Variants in SDK1 observed in about 807,000 individuals in gnomAD.
The protein encoded by SDK1 is sidekick cell adhesion molecule 1.
SDK1 carries 157 observed loss-of-function variants against 245.5 expected under a neutral mutation model. The ratio of observed to expected loss-of-function variants is 0.64; its 90% CI spans 0.56 to 0.73. The LOEUF is 0.73. Among genes scored for constraint, SDK1 ranks in the 30% least tolerant of loss-of-function variants. The probability of loss-of-function intolerance (pLI) is 0.00; values close to 1 mark genes in which losing one functional copy is unlikely to be tolerated. For synonymous variants in SDK1, 1,647 were observed against 1,278.5 expected (o/e 1.29, Z -6.15); for missense variants, 3,583 against 3,002.3 (o/e 1.19, Z -4.52).
At chr7:3,638,211 T>A (rs1054409289) in intron 2 of SDK1, among the ~76,000 whole-genome samples, 1 of 152,174 alleles carries the variant, frequency 6.6e-6, no homozygotes, top group African/African-American at 2.4e-5. Context: ...AAAGCCCAGT[T>A]GGGGAGACAG....
intron 5 of SDK1, among the ~76,000 whole-genome samples, chr7:3,869,264 T>C (rs1375766418): frequency 6.6e-6 from 1 of 150,738 alleles, no homozygotes; most frequent in Non-Finnish European, 1.5e-5. Flanking sequence ...CAAGCGATTC[T>C]CCTGCCTCAG....
Position 3,975,161 on chromosome 7 carries a change from C to T in SDK1, c.1994+616C>T, listed in dbSNP as rs189019474. On this transcript the variant is annotated intron_variant, in intron 13 of 44. Coordinates refer to ENST00000404826, the MANE Select transcript of SDK1 (RefSeq NM_152744.4). ...TCTCTTTCTCCCTCCACTCCCCTCT[C>T]TATTCATGGAGCAGGAAACCAAAAT... Among the ~76,000 whole-genome samples, 28 of 152,356 alleles carry T rather than the reference C, an allele frequency of 1.8e-4. No homozygotes were observed. In the East Asian group the frequency reaches 4.6e-3, roughly 25 times the overall value.
rs560793373 is a variant in SDK1, at chr7:4,101,445, C to A, written c.3325-9218C>A. Among the ~76,000 whole-genome samples, 5 of 152,160 alleles carry A rather than the reference C, an allele frequency of 3.3e-5. 1 individual carries two copies. The South Asian group carries it at 8.3e-4, about 25-fold the overall frequency. ...TACAGGCGTGAGCCACCGCACCCGG[C>A]GGAAAAATTTGCATTTTTTAAAACT... On this transcript the variant is annotated intron_variant, in intron 22 of 44. Coordinates refer to ENST00000404826, the MANE Select transcript of SDK1 (RefSeq NM_152744.4).
At chr7:3,609,693 C>T (rs1237761956) in intron 1 of SDK1, among the ~76,000 whole-genome samples, 1 of 150,900 alleles carries the variant, frequency 6.6e-6, no homozygotes, top group South Asian at 2.1e-4. Context: ...AGCTACGGTG[C>T]CCAGCCTCCC....
At chr7:3,313,571 T>G (rs1258735080) in intron 1 of SDK1, among the ~76,000 whole-genome samples, 1 of 152,140 alleles carries the variant, frequency 6.6e-6, no homozygotes, top group Non-Finnish European at 1.5e-5. Context: ...CCCCTTAAAT[T>G]TATATGTAAT....
Position 4,234,907 on chromosome 7 carries a change from C to T in SDK1, c.5992+1488C>T, listed in dbSNP as rs1012482892. On this transcript the variant is annotated intron_variant, in intron 41 of 44. Transcript: ENST00000404826. ...CCTCAGCCAGAAGCCCCAGGTAGGG[C>T]CAGCTCTGTTGGTCCTCTTCCTGGG... 2.0e-5 allele frequency among the ~76,000 whole-genome samples: 3 copies of T among 152,196 alleles called. No homozygotes were observed. The South Asian group carries it at 6.2e-4, about 32-fold the overall frequency.
At chr7:3,921,935 C>T (rs990206777) in intron 5 of SDK1, among the ~76,000 whole-genome samples, 1 of 152,102 alleles carries the variant, frequency 6.6e-6, no homozygotes, top group Non-Finnish European at 1.5e-5. Flanking sequence ...CAGTGCACTC[C>T]AGCCTGGGCA....
At chr7:3,747,322 A>G (rs1221835266) in intron 4 of SDK1, among the ~76,000 whole-genome samples, 1 of 152,148 alleles carries the variant, frequency 6.6e-6, no homozygotes, top group Non-Finnish European at 1.5e-5. Context: ...TGACATAACA[A>G]CCACTGTCTG....
At chr7:4,015,962 T>A (rs1256559984) in intron 16 of SDK1, among the ~76,000 whole-genome samples, 1 of 152,248 alleles carries the variant, frequency 6.6e-6, no homozygotes. Flanking sequence ...ATTTCTCGAT[T>A]TCCTCACTTC....
intron 1 of SDK1, among the ~76,000 whole-genome samples, chr7:3,442,399 G>A (rs1029861362): frequency 6.6e-6 from 1 of 152,154 alleles, no homozygotes; most frequent in Admixed American, 6.5e-5. Context: ...GACCACAAAT[G>A]GAATGGTAAC....
intron 22 of SDK1, among the ~76,000 whole-genome samples, chr7:4,102,084 G>T (rs1360345528): frequency 3.9e-5 from 6 of 152,182 alleles, no homozygotes; most frequent in Non-Finnish European, 7.3e-5. Context: ...TCTAGAGCTG[G>T]GCTGATTCAA....
At chr7:3,309,634 T>C (rs1401572605) in intron 1 of SDK1, among the ~76,000 whole-genome samples, 2 of 144,476 alleles carry the variant, frequency 1.4e-5, no homozygotes, top group East Asian at 1.9e-4. Context: ...TTACTTCTGA[T>C]TTTTTTTATT....
chr7:3,891,931 T>C (rs1781469871), intron 5 of SDK1, among the ~76,000 whole-genome samples: 1 of 152,190 alleles, frequency 6.6e-6, no homozygotes, highest in South Asian at 2.1e-4. Context: ...TTTTTCCTTA[T>C]AGCACGGTGT....
At chr7:3,498,731 CTT>C (rs574383263) in intron 1 of SDK1, among the ~76,000 whole-genome samples, 1 of 144,244 alleles carries the variant, frequency 6.9e-6, no homozygotes, top group African/African-American at 2.5e-5. Context: ...TAGGCCTCAT[CTT>C]TTTTTTTTTT....
intron 4 of SDK1, among the ~76,000 whole-genome samples, chr7:3,787,003 T>G (rs1201633747): frequency 6.6e-6 from 1 of 152,140 alleles, no homozygotes; most frequent in Admixed American, 6.5e-5. Context: ...ACAAGCAGAA[T>G]TGATAGACAT....
At chr7:3,889,798 G>A (rs563422192) in intron 5 of SDK1, among the ~76,000 whole-genome samples, 3 of 152,154 alleles carry the variant, frequency 2.0e-5, no homozygotes, top group East Asian at 3.9e-4. Flanking sequence ...ATGAGCCATC[G>A]TGCCTGGCCT....
intron 1 of SDK1, among the ~76,000 whole-genome samples, chr7:3,607,134 C>G (rs1006250571): frequency 1.3e-4 from 19 of 151,816 alleles, no homozygotes; most frequent in African/African-American, 4.6e-4. Flanking sequence ...ACTACCTGCA[C>G]TACACAAAGG....
intron 5 of SDK1, among the ~76,000 whole-genome samples, chr7:3,934,486 C>T (rs958678716): frequency 2.6e-5 from 4 of 152,238 alleles, no homozygotes; most frequent in African/African-American, 9.6e-5. Flanking sequence ...CAGAGCTTTC[C>T]TGCCTTTCTG....
intron 22 of SDK1, among the ~76,000 whole-genome samples, chr7:4,096,425 G>T (rs1338932853): frequency 6.6e-6 from 1 of 152,124 alleles, no homozygotes. Flanking sequence ...GTGGGGGATG[G>T]TCACTGAGAG....
Sources: gnomAD v4.1 joint callset for allele counts (sites outside exome capture counted in the v4.1 genomes callset) on GRCh38, gnomAD v4.1.1 for gene constraint, MANE v1.5 for transcripts, NCBI Gene and HGNC (gene_info 2026-07-23, HGNC 2026-07-21) for gene names.